The following CAD variants were observed in gnomAD, a reference collection of about 807,000 sequenced individuals.
The protein encoded by CAD is multifunctional protein CAD.
A neutral mutation model predicts 237.2 loss-of-function variants in CAD; 81 were observed. The observed-to-expected ratio is 0.34, with a 90% CI of 0.29 to 0.41. CAD has a LOEUF of 0.41. Among genes scored for constraint, CAD ranks in the 10% least tolerant of loss-of-function variants. The probability of loss-of-function intolerance (pLI) is 1.00; values close to 1 mark genes in which losing one functional copy is unlikely to be tolerated. For missense variants in CAD, 2,181 were observed against 2,951.7 expected (o/e 0.74, Z 6.05); for synonymous variants, 1,196 against 1,162.8 (o/e 1.03, Z -0.58).
chr2:27,233,774 C>A lies in CAD; in HGVS notation c.3365C>A (p.Pro1122His). The A allele has an allele frequency of 6.2e-7, 1 of 1,614,070 alleles. No individual in the cohort carries two copies. ...GCAGCAGCCGTCTCCAAAGAGCATC[C>A]CGTGGTCATCTCCAAGTTCATCCAG... ...SSAAAVSKEHPVVISKFIQEA... is the reference protein window; with the variant it reads ...SSAAAVSKEHHVVISKFIQEA... Residue 1122 changes from proline (P) to histidine (H), a missense_variant, in exon 21 of 44, where the codon CCC becomes CAC. Transcript: ENST00000264705. This position sits in a 1 kb window ranked among gnomAD's most constrained non-coding sequence, Gnocchi z 6.3.
rs1675466213 is a variant in CAD at position 27,226,822 on chromosome 2, T to A, written c.2157-10T>A. The A allele has an allele frequency of 6.2e-7, 1 of 1,613,894 alleles. No individual in the cohort carries two copies. Among genetic ancestry groups the A allele is most frequent in the African/African-American group, 1.3e-5 (1 of 74,932 alleles). On this transcript the variant is annotated splice_polypyrimidine_tract_variant and intron_variant, in intron 14 of 43. Coordinates refer to ENST00000264705, the MANE Select transcript of CAD (RefSeq NM_004341.5). ...ACTGTCCTTCTGGCATCCCACCTGCTGGACCCCAGGAACTCTGTGACAGGG... is the reference window on the plus strand; with the variant it reads ...ACTGTCCTTCTGGCATCCCACCTGCAGGACCCCAGGAACTCTGTGACAGGG...
chr2:27,222,691 G>A (rs1285818692), intron 5 of CAD, 31 bp downstream of exon 5: 1 of 1,603,420 alleles, frequency 6.2e-7, no homozygotes, highest in South Asian at 1.1e-5. Flanking sequence ...CAGGGCCTCA[G>A]ACAAGCAGCT....
At position 27,236,105 on chromosome 2, in the gene CAD, A is replaced by G. The variant is rs140031459; in HGVS notation, c.4075-179A>G. Among the ~76,000 whole-genome samples, 892 of 152,212 alleles carry G rather than the reference A, an allele frequency of 5.9e-3. 6 individuals are homozygous for G. Among genetic ancestry groups the G allele is most frequent in the African/African-American group, 0.02 (839 of 41,512 alleles). On this transcript the variant is annotated intron_variant, in intron 25 of 43. Transcript: ENST00000264705. This position sits in a 1 kb window ranked among gnomAD's most constrained non-coding sequence, Gnocchi z 4.1. Reference sequence around the variant, plus strand: ...TGGTAACCCATCTTACTTAGTGTAGATATCTTTCCTGCCAAGAAATACACT... The same window carrying G: ...TGGTAACCCATCTTACTTAGTGTAGGTATCTTTCCTGCCAAGAAATACACT...
chr2:27,225,160 G>A lies in CAD; in HGVS notation c.1537G>A (p.Glu513Lys), dbSNP rs1675371793. ...GTPVETIELTEDRRAFAARMA... is the reference protein window; with the variant it reads ...GTPVETIELTKDRRAFAARMA... ...ACCAGTGGAGACCATTGAGCTGACC[G>A]AGGATCGACGGGCCTTTGCTGCCAG... The change falls in exon 11 of 44, where the codon GAG (glutamate) becomes AAG (lysine). Residue 513 changes from glutamate (E) to lysine (K), a missense_variant. Physicochemically the swap from Glu to Lys is moderately conservative, Grantham distance 56 (BLOSUM62 1). Coordinates refer to ENST00000264705, the MANE Select transcript of CAD (RefSeq NM_004341.5). 2.5e-6 allele frequency: 4 copies of A among 1,614,188 alleles called. No individual in the cohort carries two copies. The highest frequency in any genetic ancestry group is 2.5e-6 in the Non-Finnish European group (3 of 1,180,022).
In CAD at chr2:27,234,515, C is replaced by T. The variant is rs1161018144; in HGVS notation, c.3619-3C>T. The T allele has an allele frequency of 8.7e-6, 14 of 1,613,342 alleles. No homozygotes were observed. Among genetic ancestry groups the T allele is most frequent in the Admixed American group, 1.7e-5 (1 of 59,980 alleles). On this transcript the variant is annotated splice_region_variant and splice_polypyrimidine_tract_variant and intron_variant, in intron 22 of 43. Coordinates refer to ENST00000264705, the MANE Select transcript of CAD (RefSeq NM_004341.5). ...AAGGCCTGACCAGTCTTCTCTGCCC[C>T]AGGATGACCAGCTGAAAGTTATTGA...
rs763567208 is a variant in CAD at position 27,235,341 on chromosome 2, C to A, written c.3883C>A (p.Arg1295Ser). The change falls in exon 24 of 44, where the codon CGC becomes AGC. Residue 1295 changes from arginine to serine, a missense_variant. Around this residue, in one of 12 missense-constraint regions of CAD, gnomAD observed 306 missense variants for 607.9 expected, o/e 0.50. Transcript: ENST00000264705. The surrounding 1 kb of genome is among the most constrained non-coding windows in gnomAD (Gnocchi z 5.2). Reference sequence around the variant, plus strand: ...GGAGGTGGCCGGCTTTGGGGAGAGCCGCTGTGAGGCATACCTCAAGGCCAT... The same window carrying A: ...GGAGGTGGCCGGCTTTGGGGAGAGCAGCTGTGAGGCATACCTCAAGGCCAT... ...TGEVAGFGESRCEAYLKAMLS... is the reference protein window; with the variant it reads ...TGEVAGFGESSCEAYLKAMLS... 1 of 1,614,046 alleles carries A rather than the reference C, an allele frequency of 6.2e-7. No individual in the cohort carries two copies.
chr2:27,233,637 A>T lies in CAD; in HGVS notation c.3228A>T (p.Gln1076His). Residue 1076 changes from glutamine (Q) to histidine (H), a missense_variant, in exon 21 of 44, where the codon CAA (glutamine) becomes CAT (histidine). By Grantham distance (24) the Gln-to-His change is conservative (BLOSUM62 0). This residue lies in a region of CAD where 306 missense variants were observed against 607.9 expected (regional missense o/e 0.50). Transcript: ENST00000264705. This position sits in a 1 kb window ranked among gnomAD's most constrained non-coding sequence, Gnocchi z 6.3. ...CCTGCCTCCTGTAGTCTGCTCGCCA[A>T]TTCTGCCAGACCGTGGGGTACCCCT... ...RELSDLESARQFCQTVGYPCV... is the reference protein window; with the variant it reads ...RELSDLESARHFCQTVGYPCV... 6.2e-7 allele frequency: 1 copy of T among 1,614,110 alleles called. No homozygotes were observed. Among genetic ancestry groups the T allele is most frequent in the Non-Finnish European group, 8.5e-7 (1 of 1,180,040 alleles).
In CAD at chr2:27,233,092, C is replaced by T. The variant is rs746689662; in HGVS notation, c.2943C>T (p.Thr981=). 30 of 1,613,602 alleles carry T rather than the reference C, an allele frequency of 1.9e-5. No individual in the cohort carries two copies. The highest frequency in any genetic ancestry group is 1.6e-4 in the Middle Eastern group (1 of 6,084). ...MVNYNPETVS[T]DYDMCDRLYF... is the part of the protein sequence containing the mutation. Reference sequence around the variant, plus strand: ...ACTATAACCCAGAGACAGTCAGCACCGACTATGACATGTGTGATCGACTCT... The same window carrying T: ...ACTATAACCCAGAGACAGTCAGCACTGACTATGACATGTGTGATCGACTCT... The change falls in exon 19 of 44, where the codon ACC becomes ACT. Residue 981 remains threonine, a synonymous_variant. Coordinates refer to ENST00000264705, the MANE Select transcript of CAD (RefSeq NM_004341.5). This position sits in a 1 kb window ranked among gnomAD's most constrained non-coding sequence, Gnocchi z 6.3.
rs1338102778 is a variant in CAD, at chr2:27,239,042, C to T, written c.5063C>T (p.Ala1688Val). 1 of 1,545,532 alleles carries T rather than the reference C, an allele frequency of 6.5e-7. No homozygotes were observed. The highest frequency in any genetic ancestry group is 2.3e-5 in the East Asian group (1 of 44,412). Residue 1688 changes from alanine to valine, a missense_variant and splice_region_variant, in exon 32 of 44, where the codon GCT (alanine) becomes GTT (valine). Physicochemically the swap from Ala to Val is moderately conservative, Grantham distance 64. Coordinates refer to ENST00000264705, the MANE Select transcript of CAD (RefSeq NM_004341.5). This position sits in a 1 kb window ranked among gnomAD's most constrained non-coding sequence, Gnocchi z 4.0. ...AVIDCFASDHAPHTLEEKCGS... is the reference protein window; with the variant it reads ...AVIDCFASDHVPHTLEEKCGS... ...AGGGTAATGGCTTTCTTTCTCCCAG[C>T]TCCCCATACCTTGGAGGAGAAGTGT...
chr2:27,237,647 G>A lies in CAD; in HGVS notation c.4564-71G>A, dbSNP rs879117924. 6.3e-7 allele frequency: 1 copy of A among 1,575,116 alleles called. No individual in the cohort carries two copies. The highest frequency in any genetic ancestry group is 1.3e-5 in the African/African-American group (1 of 74,256). ...CCTTCTGCCCCGCCCTATGGGCCCA[G>A]GCCACTGGTGCCAGGCTAGCCTGTG... On this transcript the variant is annotated intron_variant, in intron 28 of 43. Coordinates refer to ENST00000264705, the MANE Select transcript of CAD (RefSeq NM_004341.5). The surrounding 1 kb of genome is among the most constrained non-coding windows in gnomAD (Gnocchi z 4.0).
rs376037555 is a variant in CAD, at chr2:27,226,185, G to C, written c.1897G>C (p.Val633Leu). 1 of 1,614,086 alleles carries C rather than the reference G, an allele frequency of 6.2e-7. No homozygotes were observed. ...PLGIHTGESI[V>L]VAPSQTLNDR... ...GGGCATCCACACTGGTGAGTCCATA[G>C]TGGTGGCCCCTAGCCAGACACTGAA... Residue 633 changes from valine to leucine, a missense_variant, in exon 13 of 44, where the codon GTG becomes CTG. Physicochemically the swap from Val to Leu is conservative, Grantham distance 32. This residue lies in a region of CAD where 385 missense variants were observed against 535.1 expected (regional missense o/e 0.72). Transcript: ENST00000264705.
Position 27,235,338 on chromosome 2 carries a change from A to G in CAD, c.3880A>G (p.Ser1294Gly). 6.2e-7 allele frequency: 1 copy of G among 1,614,002 alleles called. No individual in the cohort carries two copies. The highest frequency in any genetic ancestry group is 8.5e-7 in the Non-Finnish European group (1 of 1,180,000). The stretch of plus-strand genomic sequence containing the variant: ...TGGGGAGGTGGCCGGCTTTGGGGAG[A>G]GCCGCTGTGAGGCATACCTCAAGGC... Reference protein sequence around the residue: ...STGEVAGFGESRCEAYLKAML... With the variant: ...STGEVAGFGEGRCEAYLKAML... The change falls in exon 24 of 44, where the codon AGC (serine) becomes GGC (glycine). Residue 1294 changes from serine (S) to glycine (G), a missense_variant. Around this residue, in one of 12 missense-constraint regions of CAD, gnomAD observed 306 missense variants for 607.9 expected, o/e 0.50. Coordinates refer to ENST00000264705, the MANE Select transcript of CAD (RefSeq NM_004341.5). The surrounding 1 kb of genome is among the most constrained non-coding windows in gnomAD (Gnocchi z 5.2).
Position 27,239,309 on chromosome 2 carries a change from A to T in CAD, c.5254-22A>T. 1.9e-5 allele frequency: 31 copies of T among 1,608,360 alleles called. No homozygotes were observed. Among genetic ancestry groups the T allele is most frequent in the Non-Finnish European group, 2.6e-5 (30 of 1,175,412 alleles). On this transcript the variant is annotated intron_variant, in intron 32 of 43. Coordinates refer to ENST00000264705, the MANE Select transcript of CAD (RefSeq NM_004341.5). The surrounding 1 kb of genome is among the most constrained non-coding windows in gnomAD (Gnocchi z 4.0). ...GTTCTCTGGGGATCCTTTCCCTAGC[A>T]TAACCCATGTCCTCTGGGCAGGTGG...
Position 27,243,533 on chromosome 2 carries a change from A to T in CAD, c.*15A>T. ...GCCGTTTCTAGGGCCTGGCTTCCTC[A>T]GCCTCTTCTCTTTAGGCCCAGCTGC... On this transcript the variant is annotated 3_prime_UTR_variant, in exon 44 of 44. Transcript: ENST00000264705. The T allele has an allele frequency of 6.4e-7, 1 of 1,564,190 alleles. No individual in the cohort carries two copies. The highest frequency in any genetic ancestry group is 1.9e-5 in the Admixed American group (1 of 51,560).
intron 15 of CAD, among the ~76,000 whole-genome samples, chr2:27,230,755 A>T (rs933581142): frequency 1.3e-5 from 2 of 152,320 alleles, no homozygotes; most frequent in East Asian, 1.9e-4. Flanking sequence ...ACACTTTTTT[A>T]AAAAGTTTTA....
rs1188971802 is a variant in CAD at position 27,217,512 on chromosome 2, C to G, written c.-40C>G. ...TTCCAGTGGAGTTTGCAGTCCTTCC[C>G]GCTTCTCCGTACTCGCCCCCGCCTC... is the stretch of plus-strand genomic sequence containing the variant. On this transcript the variant is annotated 5_prime_UTR_variant, in exon 1 of 44. Transcript: ENST00000264705. 4 of 1,531,622 alleles carry G rather than the reference C, an allele frequency of 2.6e-6. No individual in the cohort carries two copies. Among genetic ancestry groups the G allele is most frequent in the Admixed American group, 1.8e-5 (1 of 55,586 alleles). 94.9% of individuals were successfully genotyped at this position (1,531,622 alleles called of 1,614,324 possible).
Position 27,242,498 on chromosome 2 carries a change from C to G in CAD, c.6222+71C>G. On this transcript the variant is annotated intron_variant, in intron 40 of 43. Transcript: ENST00000264705. This position sits in a 1 kb window ranked among gnomAD's most constrained non-coding sequence, Gnocchi z 6.4. ...GAGAGGGAGGCAGGAAGTGGTTACC[C>G]CGGTACAGGACAGCTGCATCAAGGA... is the stretch of plus-strand genomic sequence containing the variant. 3 of 1,584,032 alleles carry G rather than the reference C, an allele frequency of 1.9e-6. No individual in the cohort carries two copies. Among genetic ancestry groups the G allele is most frequent in the Non-Finnish European group, 2.6e-6 (3 of 1,161,402 alleles).
Position 27,239,966 on chromosome 2 carries a change from TGTG to T in CAD, c.5496+173_5496+175del, listed in dbSNP as rs1176681380. ...TTTTAAAATGCTGGGCCAGGCCAGA[TGTG>T]GTGGCTCACACTTGTAATCCCAGCA... On this transcript the variant is annotated intron_variant, in intron 34 of 43. Coordinates refer to ENST00000264705, the MANE Select transcript of CAD (RefSeq NM_004341.5). The surrounding 1 kb of genome is among the most constrained non-coding windows in gnomAD (Gnocchi z 4.0). 8.3e-6 allele frequency: 5 copies of T among 603,754 alleles called. No homozygotes were observed. Among genetic ancestry groups the T allele is most frequent in the Middle Eastern group, 3.2e-4 (1 of 3,078 alleles). The allele number at this position is 603,754 out of a possible 1,614,324, so 37.4% of individuals were successfully genotyped here. A position where few individuals can be genotyped will look rare whatever the true frequency, so the allele number is the denominator to read the frequency against.
In CAD at chr2:27,241,121, C is replaced by T; in HGVS notation, c.5702C>T (p.Pro1901Leu). 3 of 1,610,272 alleles carry T rather than the reference C, an allele frequency of 1.9e-6. No individual in the cohort carries two copies. The highest frequency in any genetic ancestry group is 1.7e-6 in the Non-Finnish European group (2 of 1,178,280). ...PPPPVPRQASPQNLGTPGLLH... is the reference protein window; with the variant it reads ...PPPPVPRQASLQNLGTPGLLH... ...CCACCAGTACCGAGACAGGCATCTC[C>T]CCAGAACCTGGGGACCCCTGGCTTG... The change falls in exon 37 of 44, where the codon CCC becomes CTC. Residue 1901 changes from proline (P) to leucine (L), a missense_variant. By Grantham distance (98) the Pro-to-Leu change is moderately conservative. Transcript: ENST00000264705. The surrounding 1 kb of genome is among the most constrained non-coding windows in gnomAD (Gnocchi z 4.6).
Sources: allele counts gnomAD v4.1 joint callset (sites outside exome capture counted in the v4.1 genomes callset), GRCh38; gene constraint gnomAD v4.1.1; regional missense constraint gnomAD v4.1.1; non-coding constraint Gnocchi (gnomAD v3.1); transcripts MANE v1.5; gene names NCBI Gene and HGNC (gene_info 2026-07-23, HGNC 2026-07-21).